CEP57L1: variants seen among roughly 807,000 people sequenced by gnomAD.
CEP57L1 encodes the protein centrosomal protein CEP57L1.
In CEP57L1, 37 loss-of-function variants were observed where a neutral mutation model predicts 61.0. That is an observed-to-expected ratio of 0.61 (90% confidence interval 0.47 to 0.80). CEP57L1 has a LOEUF of 0.80. Among genes scored for constraint, CEP57L1 ranks in the 30% least tolerant of loss-of-function variants. The pLI, the probability that CEP57L1 is intolerant of heterozygous loss-of-function variation, is 0.00. For missense variants in CEP57L1, 422 were observed against 524.7 expected (o/e 0.80, Z 1.91); for synonymous variants, 137 against 162.3 (o/e 0.84, Z 1.19).
In CEP57L1 at chr6:109,166,692, A is replaced by G. The variant is rs1039723357; in HGVS notation, c.*3722A>G. Among the ~76,000 whole-genome samples the G allele has an allele frequency of 1.3e-5, 2 of 152,186 alleles. No individual in the cohort carries two copies. The highest frequency in any genetic ancestry group is 4.8e-5 in the African/African-American group (2 of 41,450). ...GCCACTGCGCCCAGCCTAAATGTGTATTCTTATCCATGATAAGAGATCAAA... is the reference window on the plus strand; with the variant it reads ...GCCACTGCGCCCAGCCTAAATGTGTGTTCTTATCCATGATAAGAGATCAAA... On this transcript the variant is annotated 3_prime_UTR_variant, in exon 11 of 11. Coordinates refer to ENST00000517392, the MANE Select transcript of CEP57L1 (RefSeq NM_001271852.3).
chr6:109,155,891 A>G lies in CEP57L1; in HGVS notation c.744+14A>G, dbSNP rs747215554. 58 of 1,420,724 alleles carry G rather than the reference A, an allele frequency of 4.1e-5. No homozygotes were observed. The highest frequency in any genetic ancestry group is 5.5e-5 in the Non-Finnish European group (56 of 1,019,418). The allele number at this position is 1,420,724 out of a possible 1,614,324, so 88.0% of individuals were successfully genotyped here. A position where few individuals can be genotyped will look rare whatever the true frequency, so the allele number is the denominator to read the frequency against. On this transcript the variant is annotated intron_variant, in intron 7 of 10. Transcript: ENST00000517392. ...AAATCTTCAAAGGTGTGCATATAAA[A>G]TTTTTTCCCAAACAAAAATACTGCT...
At chr6:109,124,338 C>T (rs113116949) in intron 1 of CEP57L1, among the ~76,000 whole-genome samples, 5 of 152,166 alleles carry the variant, frequency 3.3e-5, no homozygotes, top group South Asian at 2.1e-4. Flanking sequence ...AGGCACTATA[C>T]GACTTTCCAG....
chr6:109,159,327 G>C lies in CEP57L1; in HGVS notation c.881G>C (p.Arg294Thr). The change falls in exon 9 of 11, where the codon AGA becomes ACA. Residue 294 changes from arginine (R) to threonine (T), a missense_variant. Transcript: ENST00000517392. ...AAACCTTTTAACGTGACTGAGACTA[G>C]ATGTCTCCCCAAGCCTTCTAGAACA... ...LQKPFNVTET[R>T]CLPKPSRTTS... The C allele has an allele frequency of 6.2e-7, 1 of 1,614,066 alleles. No individual in the cohort carries two copies. The highest frequency in any genetic ancestry group is 8.5e-7 in the Non-Finnish European group (1 of 1,179,964).
At chr6:109,095,258 CGT>C (rs1781544444), upstream of CEP57L1, 3 of 985,606 alleles carry the variant, frequency 3.0e-6, no homozygotes, top group South Asian at 9.4e-5. Context: ...AAAAGTAAGA[CGT>C]AGAAGTACAC....
chr6:109,160,494 C>A, intron 9 of CEP57L1, 78 bp from the exon 10 acceptor site: 2 of 1,163,832 alleles, frequency 1.7e-6, no homozygotes, highest in Non-Finnish European at 1.2e-6. Context: ...TATGATTGAA[C>A]AGAAAATTGC....
rs74934949 is a variant in CEP57L1 at position 109,173,630 on chromosome 6, G to C, written c.*10660G>C. ...AAAATTTTTTTTTTTGAGGAGACGC[G>C]GTCTCACTTTGCTGCCCAGGCTGGT... On this transcript the variant is annotated 3_prime_UTR_variant, in exon 11 of 11. Transcript: ENST00000517392. Among the ~76,000 whole-genome samples, 18,596 of 149,590 alleles carry C rather than the reference G, an allele frequency of 0.12. 1,307 individuals carry two copies. The highest frequency in any genetic ancestry group is 0.22 in the Middle Eastern group (63 of 292).
chr6:109,096,709 T>A (rs963548427), intron 1 of CEP57L1, among the ~76,000 whole-genome samples: 6 of 152,254 alleles, frequency 3.9e-5, no homozygotes, highest in Admixed American at 1.3e-4. Flanking sequence ...ATTCTGACAC[T>A]TCTAGTTTGA....
At chr6:109,162,571 T>G (rs1773813882) in intron 10 of CEP57L1, among the ~76,000 whole-genome samples, 178 bp from the exon 11 acceptor site, 1 of 152,114 alleles carries the variant, frequency 6.6e-6, no homozygotes, top group African/African-American at 2.4e-5. Flanking sequence ...TATTTCTACC[T>G]GACAAGCACA....
rs115662185 is a variant in CEP57L1, at chr6:109,117,084, A to G, written c.-4+21509A>G. ...ATTCCCGTGATTTTTATTTTCTTCT[A>G]TAATTTCAAAATTTTGTAGAATGAA... On this transcript the variant is annotated intron_variant, in intron 1 of 10. Transcript: ENST00000517392. Among the ~76,000 whole-genome samples the G allele has an allele frequency of 8.3e-3, 1,261 of 152,318 alleles. 23 individuals are homozygous for G. The highest frequency in any genetic ancestry group is 0.029 in the African/African-American group (1,212 of 41,578).
At chr6:109,156,234 A>G (rs903408848) in intron 7 of CEP57L1, 1 of 158,452 alleles carries the variant, frequency 6.3e-6, no homozygotes, top group African/African-American at 2.4e-5. Context: ...TTCTGGAGAA[A>G]CATATTTTGT....
At chr6:109,160,786 T>C (rs1773653885) in intron 10 of CEP57L1, 70 bp downstream of exon 10, 1 of 1,470,924 alleles carries the variant, frequency 6.8e-7, no homozygotes, top group Non-Finnish European at 9.0e-7. Flanking sequence ...TATCTCTGTA[T>C]GACTTTCCAA....
intron 1 of CEP57L1, among the ~76,000 whole-genome samples, chr6:109,106,660 A>C (rs1352139072): frequency 1.3e-5 from 2 of 152,250 alleles, no homozygotes; most frequent in East Asian, 3.9e-4. Flanking sequence ...CAGGCATGAT[A>C]GCTCATGCCT....
rs945858933 is a variant in CEP57L1, at chr6:109,148,964, C to T, written c.341-1154C>T. ...GTCCTTCGCCCACTTGTTGATGGGGCTGTTTGTTTTTTTCTTGTAAATTTG... is the reference window on the plus strand; with the variant it reads ...GTCCTTCGCCCACTTGTTGATGGGGTTGTTTGTTTTTTTCTTGTAAATTTG... On this transcript the variant is annotated intron_variant, in intron 3 of 10. Transcript: ENST00000517392. Among the ~76,000 whole-genome samples, 385 of 152,068 alleles carry T rather than the reference C, an allele frequency of 2.5e-3. 2 individuals carry two copies. The highest frequency in any genetic ancestry group is 8.6e-3 in the African/African-American group (359 of 41,514).
chr6:109,122,760 T>C lies in CEP57L1; in HGVS notation c.-3-22459T>C, dbSNP rs183204744. Among the ~76,000 whole-genome samples, 23 of 152,158 alleles carry C rather than the reference T, an allele frequency of 1.5e-4. No individual in the cohort carries two copies. The East Asian group carries it at 4.1e-3, about 27-fold the overall frequency. ...AGGCGTAGGTTGCAGTGAGCCAAGATTGTGCCATTGCACTCCAGCCTGGGC... is the reference window on the plus strand; with the variant it reads ...AGGCGTAGGTTGCAGTGAGCCAAGACTGTGCCATTGCACTCCAGCCTGGGC... On this transcript the variant is annotated intron_variant, in intron 1 of 10. Transcript: ENST00000517392.
intron 1 of CEP57L1, among the ~76,000 whole-genome samples, chr6:109,129,016 T>C (rs1773881473): frequency 6.6e-6 from 1 of 152,040 alleles, no homozygotes; most frequent in Non-Finnish European, 1.5e-5. Context: ...CTGGCCAACA[T>C]GGTGAAACTC....
chr6:109,172,548 C>T lies in CEP57L1; in HGVS notation c.*9578C>T, dbSNP rs1459357956. Among the ~76,000 whole-genome samples, 2 of 152,226 alleles carry T rather than the reference C, an allele frequency of 1.3e-5. No individual in the cohort carries two copies. The highest frequency in any genetic ancestry group is 4.8e-5 in the African/African-American group (2 of 41,466). On this transcript the variant is annotated 3_prime_UTR_variant, in exon 11 of 11. Transcript: ENST00000517392. ...ATTTCTTTGGAATGTGAAAAGTTTA[C>T]ACAATCAAGACTTGCTATGTTGATC... is the stretch of plus-strand genomic sequence containing the variant.
At chr6:109,138,532 T>C (rs1186045620) in intron 1 of CEP57L1, among the ~76,000 whole-genome samples, 1 of 152,226 alleles carries the variant, frequency 6.6e-6, no homozygotes, top group East Asian at 1.9e-4. Context: ...ATTCCTATAA[T>C]AATTACTGAT....
intron 1 of CEP57L1, among the ~76,000 whole-genome samples, chr6:109,098,753 A>T (rs1168243013): frequency 6.6e-6 from 1 of 152,082 alleles, no homozygotes; most frequent in Non-Finnish European, 1.5e-5. Context: ...TCAGCCTCCC[A>T]AAGTGCTGAG....
chr6:109,147,028 A>T, intron 3 of CEP57L1, 91 bp downstream of exon 3: 1 of 979,008 alleles, frequency 1.0e-6, no homozygotes, highest in Non-Finnish European at 1.5e-6. Flanking sequence ...GTACTCAGAT[A>T]TCTTTATTCT....
Sources: gnomAD v4.1 joint callset for allele counts (sites outside exome capture counted in the v4.1 genomes callset) on GRCh38, gnomAD v4.1.1 for gene constraint, MANE v1.5 for transcripts, NCBI Gene and HGNC (gene_info 2026-07-23, HGNC 2026-07-21) for gene names.